Variants in USP20 observed in about 807,000 individuals in gnomAD.
USP20 encodes the protein ubiquitin specific peptidase 20, also known as ubiquitin carboxyl-terminal hydrolase 20.
A neutral mutation model predicts 124.2 loss-of-function variants in USP20; 80 were observed. The ratio of observed to expected loss-of-function variants is 0.64; its 90% CI spans 0.54 to 0.78. USP20 has a LOEUF of 0.78. Among genes scored for constraint, USP20 ranks in the 30% least tolerant of loss-of-function variants. The pLI is 0.00. For synonymous variants in USP20, 481 were observed against 512.3 expected (o/e 0.94, Z 0.83); for missense variants, 1,043 against 1,244.4 (o/e 0.84, Z 2.44).
At position 129,869,347 on chromosome 9, in the gene USP20, G is replaced by A. The variant is rs776055685; in HGVS notation, c.1314G>A (p.Glu438=). ...GTGCTGGCAGCCGGAGGCGGAAGGA[G>A]CAGCGCTACCGCAGCGTCATCTCAG... ...VLSAGSRRRK[E]QRYRSVISDI... The change falls in exon 13 of 26, where the codon GAG becomes GAA. Residue 438 remains glutamate, a synonymous_variant. Coordinates refer to ENST00000372429, the MANE Select transcript of USP20 (RefSeq NM_001110303.4). The A allele has an allele frequency of 1.2e-6, 2 of 1,613,712 alleles. No individual in the cohort carries two copies. The highest frequency in any genetic ancestry group is 2.2e-5 in the East Asian group (1 of 44,868).
intron 4 of USP20, 93 bp from the exon 5 acceptor site, chr9:129,857,957 T>C (rs1366938873): frequency 1.4e-5 from 16 of 1,142,310 alleles, no homozygotes; most frequent in Non-Finnish European, 1.8e-5. Context: ...TCAGGAGAGG[T>C]AGGGGCACTG....
In USP20 at chr9:129,844,892, T is replaced by C. The variant is rs543768564; in HGVS notation, c.-128-4921T>C. On this transcript the variant is annotated intron_variant, in intron 1 of 25. Coordinates refer to ENST00000372429, the MANE Select transcript of USP20 (RefSeq NM_001110303.4). ...TGGAGGTAAATGAGGCAAAAATGAA[T>C]ATTGAGAGGGCCGGTCATGGTGGCT... Among the ~76,000 whole-genome samples, 5 of 151,866 alleles carry C rather than the reference T, an allele frequency of 3.3e-5. 1 individual carries two copies. In the South Asian group the frequency reaches 1.0e-3, roughly 32 times the overall value.
In USP20 at chr9:129,876,224, G is replaced by A. The variant is rs369782121; in HGVS notation, c.2395G>A (p.Asp799Asn). 3.3e-5 allele frequency: 53 copies of A among 1,610,068 alleles called. No homozygotes were observed. In the African/African-American group the frequency reaches 3.8e-4, roughly 11 times the overall value. Residue 799 changes from aspartate (D) to asparagine (N), a missense_variant, in exon 22 of 26, where the codon GAC becomes AAC. Asp to Asn is a conservative substitution (Grantham distance 23, BLOSUM62 1). Coordinates refer to ENST00000372429, the MANE Select transcript of USP20 (RefSeq NM_001110303.4). ...GGCCAAGCGCAGGAGGATCGAGATC[G>A]ACACCTTCATCAAGGTGCGTGCGGC... The part of the protein sequence containing the change: ...ALAKRRRIEI[D>N]TFIKLNKAFQ...
chr9:129,878,346 G>T lies in USP20; in HGVS notation c.2418G>T (p.Lys806Asn). Residue 806 changes from lysine (K) to asparagine (N), a missense_variant, in exon 23 of 26, where the codon AAG (lysine) becomes AAT (asparagine). Lys to Asn is a moderately conservative substitution (Grantham distance 94). Transcript: ENST00000372429. Reference protein sequence around the residue: ...IEIDTFIKLNKAFQAEESPGV... With the variant: ...IEIDTFIKLNNAFQAEESPGV... ...CCCTGCCCGCCTGCCAGTTGAACAAGGCCTTCCAGGCCGAGGAGTCGCCGG... is the reference window on the plus strand; with the variant it reads ...CCCTGCCCGCCTGCCAGTTGAACAATGCCTTCCAGGCCGAGGAGTCGCCGG... The T allele has an allele frequency of 6.3e-7, 1 of 1,591,850 alleles. No homozygotes were observed. Among genetic ancestry groups the T allele is most frequent in the South Asian group, 1.1e-5 (1 of 87,738 alleles).
At chr9:129,861,063 T>C (rs2033521208) in intron 7 of USP20, 30 bp downstream of exon 7, 2 of 1,603,360 alleles carry the variant, frequency 1.2e-6, no homozygotes, top group African/African-American at 1.3e-5. Context: ...GGGAAGCTGA[T>C]GGGCTGGGCT....
chr9:129,848,578 G>A (rs866053597), intron 1 of USP20, among the ~76,000 whole-genome samples: 63 of 151,948 alleles, frequency 4.1e-4, no homozygotes, highest in African/African-American at 1.3e-3. Flanking sequence ...TCATGAACCC[G>A]GGAGGCAGAA....
intron 8 of USP20, among the ~76,000 whole-genome samples, chr9:129,862,619 G>A (rs2033608473): frequency 6.6e-6 from 1 of 151,130 alleles, no homozygotes; most frequent in South Asian, 2.1e-4. Context: ...TAAAGGCCCT[G>A]TCTTGGCTGG....
At chr9:129,878,239 G>C in intron 22 of USP20, 99 bp from the exon 23 acceptor site, 1 of 937,880 alleles carries the variant, frequency 1.1e-6, no homozygotes, top group Non-Finnish European at 1.7e-6. Flanking sequence ...TAAGACTCTT[G>C]GGTGAGGGAC....
chr9:129,840,042 C>A (rs189332196), intron 1 of USP20, among the ~76,000 whole-genome samples: 2 of 152,310 alleles, frequency 1.3e-5, no homozygotes, highest in Admixed American at 1.3e-4. Flanking sequence ...TTCCTCCCCC[C>A]ATCCTGTGCT....
chr9:129,848,650 C>CAAAA lies in USP20; in HGVS notation c.-128-1152_-128-1149dup, dbSNP rs3054848. On this transcript the variant is annotated intron_variant, in intron 1 of 25. Coordinates refer to ENST00000372429, the MANE Select transcript of USP20 (RefSeq NM_001110303.4). Reference sequence around the variant, plus strand: ...CCTGAGCGGCAGAGTGAGACTATCTCAAAAAAAAAAAAAAGAATGGGCCAA... The same window carrying CAAAA: ...CCTGAGCGGCAGAGTGAGACTATCTCAAAAAAAAAAAAAAAAAAGAATGGGCCAA... Among the ~76,000 whole-genome samples the CAAAA allele has an allele frequency of 4.4e-3, 582 of 131,980 alleles. 5 individuals carry two copies. The highest frequency in any genetic ancestry group is 0.015 in the African/African-American group (523 of 35,512). The allele number at this position is 131,980 out of a possible 152,430, so 86.6% of individuals were successfully genotyped here.
intron 23 of USP20, 26 bp downstream of exon 23, chr9:129,878,466 T>C: frequency 6.4e-7 from 1 of 1,564,628 alleles, no homozygotes; most frequent in South Asian, 1.2e-5. Context: ...ACCTGGCACT[T>C]ACCTGCCCTG....
At chr9:129,861,687 C>A (rs1220534656) in intron 8 of USP20, 75 bp downstream of exon 8, 4 of 1,440,066 alleles carry the variant, frequency 2.8e-6, no homozygotes, top group Non-Finnish European at 3.9e-6. Flanking sequence ...TAGCAGCCCC[C>A]AGCCGGTTGC....
intron 3 of USP20, among the ~76,000 whole-genome samples, chr9:129,855,432 AAAC>A (rs199597409): frequency 0.034 from 1,914 of 55,534 alleles, 26 homozygotes; most frequent in East Asian, 0.12. Flanking sequence ...CTCCATCTCA[AAAC>A]AAAAAAAAAA....
rs1020290717 is a variant in USP20, at chr9:129,839,350, C to T, written c.-129+3851C>T. 4.6e-5 allele frequency among the ~76,000 whole-genome samples: 7 copies of T among 152,100 alleles called. No individual in the cohort carries two copies. Among genetic ancestry groups the T allele is most frequent in the Admixed American group, 2.6e-4 (4 of 15,278 alleles). On this transcript the variant is annotated intron_variant, in intron 1 of 25. Coordinates refer to ENST00000372429, the MANE Select transcript of USP20 (RefSeq NM_001110303.4). The surrounding 1 kb of genome is among the most constrained non-coding windows in gnomAD (Gnocchi z 4.5). ...TAGTGTCAGTTCCAATATTCAGGGC[C>T]GTGGGGCAGGGGGAAGGGCGATGAG... is the stretch of plus-strand genomic sequence containing the variant.
chr9:129,874,915 A>G lies in USP20; in HGVS notation c.2008A>G (p.Thr670Ala), dbSNP rs777677850. 1 of 1,614,054 alleles carries G rather than the reference A, an allele frequency of 6.2e-7. No individual in the cohort carries two copies. The highest frequency in any genetic ancestry group is 2.2e-5 in the East Asian group (1 of 44,878). Reference sequence around the variant, plus strand: ...CCAGTACGTCACAGAAGTCCACGAGACGGTGGTGCAGAACGCCGAGGGCTA... The same window carrying G: ...CCAGTACGTCACAGAAGTCCACGAGGCGGTGGTGCAGAACGCCGAGGGCTA... ...DDQYVTEVHE[T>A]VVQNAEGYVL... is the part of the protein sequence containing the mutation. The change falls in exon 19 of 26, where the codon ACG becomes GCG. Residue 670 changes from threonine (T) to alanine (A), a missense_variant. By Grantham distance (58) the Thr-to-Ala change is moderately conservative. Transcript: ENST00000372429.
chr9:129,846,926 C>T (rs2032612509), intron 1 of USP20, among the ~76,000 whole-genome samples: 1 of 152,192 alleles, frequency 6.6e-6, no homozygotes, highest in South Asian at 2.1e-4. Flanking sequence ...CATACCCAGC[C>T]TGACTTGTTT....
Position 129,874,748 on chromosome 9 carries a change from C to T in USP20, c.1913C>T (p.Thr638Met), listed in dbSNP as rs138111509. The T allele has an allele frequency of 5.9e-3, 9,578 of 1,613,872 alleles. 32 individuals carry two copies. The highest frequency in any genetic ancestry group is 7.5e-3 in the Non-Finnish European group (8,871 of 1,180,014). Residue 638 changes from threonine (T) to methionine (M), a missense_variant, in exon 18 of 26, where the codon ACG (threonine) becomes ATG (methionine). Coordinates refer to ENST00000372429, the MANE Select transcript of USP20 (RefSeq NM_001110303.4). ...CTCTCGGTCATCTGCCACCACGGCA[C>T]GGCAGGCAGTGAGTCATGTCCCCTC... The part of the protein sequence containing the change: ...DLLSVICHHG[T>M]AGSGHYIAYC...
At chr9:129,869,547 C>A in intron 13 of USP20, 122 bp downstream of exon 13, 4 of 1,527,896 alleles carry the variant, frequency 2.6e-6, no homozygotes, top group Non-Finnish European at 3.6e-6. Flanking sequence ...AGGGGAGGGC[C>A]CTGCCTGCGT....
intron 9 of USP20, among the ~76,000 whole-genome samples, chr9:129,864,091 C>T (rs2089046): frequency 0.072 from 9,665 of 134,664 alleles, 435 homozygotes; most frequent in Non-Finnish European, 0.097. Context: ...GTTGACAAAG[C>T]GAGACTCTGT....
Sources: allele counts gnomAD v4.1 joint callset (sites outside exome capture counted in the v4.1 genomes callset), GRCh38; gene constraint gnomAD v4.1.1; non-coding constraint Gnocchi (gnomAD v3.1); transcripts MANE v1.5; gene names NCBI Gene and HGNC (gene_info 2026-07-23, HGNC 2026-07-21).